Variants in RBFOX1 observed in about 807,000 individuals in gnomAD.
The protein encoded by RBFOX1 is RNA binding fox-1 homolog 1, also known as RNA binding protein fox-1 homolog 1.
Under a neutral mutation model 57.7 loss-of-function variants are expected in RBFOX1, and 8 were observed. The ratio of observed to expected loss-of-function variants is 0.14; its 90% CI spans 0.08 to 0.25. The LOEUF (loss-of-function observed/expected upper bound fraction) is 0.25. Ranked by LOEUF, RBFOX1 falls within the 10% of genes least tolerant of loss-of-function variation. The pLI, the probability that RBFOX1 is intolerant of heterozygous loss-of-function variation, is 1.00. For synonymous variants in RBFOX1, 326 were observed against 222.4 expected, an observed-to-expected ratio of 1.47 and a Z score of -4.15; for missense variants, 611 against 548.5, an observed-to-expected ratio of 1.11 and a Z score of -1.14.
intron 5 of RBFOX1, among the ~76,000 whole-genome samples, chr16:7,532,972 A>G (rs997218717): frequency 6.6e-6 from 1 of 152,256 alleles, no homozygotes; most frequent in African/African-American, 2.4e-5. Context: ...AATTGCCTGC[A>G]TTGTAAAATG....
intron 2 of RBFOX1, among the ~76,000 whole-genome samples, chr16:5,533,324 C>T (rs555648655): frequency 5.5e-4 from 84 of 152,280 alleles, no homozygotes; most frequent in African/African-American, 2.0e-3. Flanking sequence ...ATGGTATGTG[C>T]TGGGCTAATT....
At chr16:5,609,510 G>C (rs1303750659) in intron 3 of RBFOX1, among the ~76,000 whole-genome samples, 1 of 152,186 alleles carries the variant, frequency 6.6e-6, no homozygotes, top group Non-Finnish European at 1.5e-5. Flanking sequence ...ACAAAGGGCA[G>C]GATCGTCCTG....
intron 12 of RBFOX1, 77 bp from the exon 13 acceptor site, chr16:7,664,852 G>A (rs1373156572): frequency 9.3e-6 from 15 of 1,612,100 alleles, no homozygotes; most frequent in Middle Eastern, 1.7e-4. Flanking sequence ...GACTAACCTC[G>A]CCAGTGCAGG....
intron 4 of RBFOX1, among the ~76,000 whole-genome samples, chr16:7,124,965 C>T (rs1379037712): frequency 2.6e-5 from 4 of 152,098 alleles, no homozygotes; most frequent in Admixed American, 1.3e-4. Flanking sequence ...ATTCACAGGA[C>T]TGGAAAGTAT....
At chr16:6,982,999 A>G (rs2089340147) in intron 3 of RBFOX1, among the ~76,000 whole-genome samples, 1 of 121,826 alleles carries the variant, frequency 8.2e-6, no homozygotes, top group Non-Finnish European at 1.7e-5. Context: ...TGTCTAAAAA[A>G]AAAAAAAAAA....
intron 2 of RBFOX1, among the ~76,000 whole-genome samples, chr16:6,637,567 T>TATATAGTATATATAGAATAGTCC (rs2098455830): frequency 7.0e-6 from 1 of 142,106 alleles, no homozygotes; most frequent in Non-Finnish European, 1.5e-5. Context: ...TATAATATTC[T>TATATAGTATATATAGAATAGTCC]ATATAGTATA....
At position 6,662,663 on chromosome 16, in the gene RBFOX1, GA is replaced by G. The variant is rs1019486465; in HGVS notation, c.-16+8021del. Among the ~76,000 whole-genome samples, 5 of 151,248 alleles carry G rather than the reference GA, an allele frequency of 3.3e-5. 1 individual carries two copies. Among genetic ancestry groups the G allele is most frequent in the Admixed American group, 1.3e-4 (2 of 15,162 alleles). On this transcript the variant is annotated intron_variant, in intron 3 of 15. Transcript: ENST00000550418. The stretch of plus-strand genomic sequence containing the variant: ...ATTTGGTGGTTGGTTAAAAAAAAAA[GA>G]AAAAAAACCTAAAAGACTCAAACAT...
At chr16:7,389,707 A>T (rs1247367420) in intron 4 of RBFOX1, among the ~76,000 whole-genome samples, 1 of 152,216 alleles carries the variant, frequency 6.6e-6, no homozygotes, top group East Asian at 1.9e-4. Context: ...GTACAACAGC[A>T]GTCTTGGTTA....
chr16:5,374,417 A>G (rs1294676676), intron 1 of RBFOX1, among the ~76,000 whole-genome samples: 6 of 152,188 alleles, frequency 3.9e-5, no homozygotes, highest in Non-Finnish European at 7.3e-5. Context: ...ATTTGCATGT[A>G]TGGAGATTGT....
chr16:6,119,399 C>G (rs1183106762), intron 1 of RBFOX1, among the ~76,000 whole-genome samples: 1 of 152,158 alleles, frequency 6.6e-6, no homozygotes, highest in East Asian at 1.9e-4. Context: ...TATCTTATTA[C>G]TAGTGATATT....
chr16:6,265,671 A>C (rs943636068), intron 1 of RBFOX1, among the ~76,000 whole-genome samples: 1 of 152,186 alleles, frequency 6.6e-6, no homozygotes, highest in Admixed American at 6.5e-5. Context: ...TGCGTCAACC[A>C]CCAAATTAGC....
intron 4 of RBFOX1, among the ~76,000 whole-genome samples, chr16:6,011,154 G>A (rs1470354438): frequency 6.6e-6 from 1 of 152,162 alleles, no homozygotes; most frequent in Non-Finnish European, 1.5e-5. Context: ...CTAATAGAGG[G>A]AACATTTTCG....
At chr16:7,402,198 A>G (rs1476864305) in intron 4 of RBFOX1, among the ~76,000 whole-genome samples, 2 of 152,150 alleles carry the variant, frequency 1.3e-5, no homozygotes, top group African/African-American at 4.8e-5. Context: ...TTGAAAATAC[A>G]TTTAAGTACT....
rs79850530 is a variant in RBFOX1 at position 6,104,963 on chromosome 16, C to G, written c.-127+84971C>G. 5.9e-5 allele frequency among the ~76,000 whole-genome samples: 9 copies of G among 152,326 alleles called. No homozygotes were observed. In the East Asian group the frequency reaches 1.3e-3, roughly 23 times the overall value. ...CTTTCTTTTCTAGGAGCCTGAACTACTCACATGCCTTGGGCCTTTGGGGCT... is the reference window on the plus strand; with the variant it reads ...CTTTCTTTTCTAGGAGCCTGAACTAGTCACATGCCTTGGGCCTTTGGGGCT... On this transcript the variant is annotated intron_variant, in intron 1 of 15. Transcript: ENST00000550418.
chr16:6,030,972 C>A (rs1022355970), intron 1 of RBFOX1, among the ~76,000 whole-genome samples: 7 of 152,068 alleles, frequency 4.6e-5, no homozygotes, highest in Non-Finnish European at 8.8e-5. Context: ...CCTAGTGAAA[C>A]TTATGCTGTA....
intron 3 of RBFOX1, among the ~76,000 whole-genome samples, chr16:6,978,736 A>G (rs550536714): frequency 6.6e-6 from 1 of 152,360 alleles, no homozygotes; most frequent in South Asian, 2.1e-4. Context: ...TAAGTTTGGA[A>G]GAAGGATTCG....
intron 4 of RBFOX1, among the ~76,000 whole-genome samples, chr16:7,336,152 C>T (rs938966716): frequency 1.3e-5 from 2 of 152,194 alleles, no homozygotes; most frequent in African/African-American, 4.8e-5. Context: ...GAGCCTCAGT[C>T]ACTTGCCCAA....
At chr16:6,984,525 C>G (rs2089780465) in intron 3 of RBFOX1, among the ~76,000 whole-genome samples, 1 of 152,152 alleles carries the variant, frequency 6.6e-6, no homozygotes. Context: ...CTTTAGTAGT[C>G]ACTAAATTAG....
Position 6,110,175 on chromosome 16 carries a change from G to A in RBFOX1, c.-127+90183G>A, listed in dbSNP as rs2096428314. On this transcript the variant is annotated intron_variant, in intron 1 of 15. Transcript: ENST00000550418. ...AACAGGTTTTTCACTCTAATTTTTG[G>A]TTTTCTGTATTTTCTTCTTCTTTTT... Among the ~76,000 whole-genome samples, 3 of 138,888 alleles carry A rather than the reference G, an allele frequency of 2.2e-5. No homozygotes were observed. The Admixed American group carries it at 2.2e-4, about 10-fold the overall frequency. 91.1% of individuals were successfully genotyped at this position (138,888 alleles called of 152,430 possible).
Sources: allele counts gnomAD v4.1 joint callset (sites outside exome capture counted in the v4.1 genomes callset), GRCh38; gene constraint gnomAD v4.1.1; transcripts MANE v1.5; gene names NCBI Gene and HGNC (gene_info 2026-07-23, HGNC 2026-07-21).